Variants in ALLC observed in about 807,000 individuals in gnomAD.
The protein encoded by ALLC is probable inactive allantoicase.
A neutral mutation model predicts 45.0 loss-of-function variants in ALLC; 40 were observed. The observed-to-expected ratio is 0.89, with a 90% CI of 0.69 to 1.16. ALLC has a LOEUF of 1.16. ALLC is among the 50% of genes most tolerant of loss of function. The pLI is 0.00. For synonymous variants in ALLC, 176 were observed against 178.1 expected, an observed-to-expected ratio of 0.99 and a Z score of 0.09; for missense variants, 488 against 493.1, an observed-to-expected ratio of 0.99 and a Z score of 0.10.
upstream of ALLC, among the ~76,000 whole-genome samples, chr2:3,656,300 C>A (rs1201340021): frequency 1.3e-5 from 2 of 152,234 alleles, no homozygotes; most frequent in Non-Finnish European, 2.9e-5. Context: ...CCCTACGGAG[C>A]TCCGAGAACA....
At chr2:3,651,156 C>G in the ALLC span, among the ~76,000 whole-genome samples, 14 of 151,990 alleles carry the variant, frequency 9.2e-5, no homozygotes, top group Non-Finnish European at 4.4e-5. Context: ...TGGGGCTGCC[C>G]GGCGGTGGCG....
rs777323507 is a variant in ALLC, at chr2:3,678,532, A to G, written c.149A>G (p.Glu50Gly). The change falls in exon 4 of 12, where the codon GAG becomes GGG. Residue 50 changes from glutamate (E) to glycine (G), a missense_variant. Transcript: ENST00000252505. ...TTTGGGAAATGGATGGATGGCTGGG[A>G]GACCAGGAGGAAAAGGATTCCAGGT... ...TEFGKWMDGW[E>G]TRRKRIPGHD... is the part of the protein sequence containing the mutation. 17 of 1,614,006 alleles carry G rather than the reference A, an allele frequency of 1.1e-5. No individual in the cohort carries two copies. The highest frequency in any genetic ancestry group is 1.6e-4 in the Middle Eastern group (1 of 6,062).
At chr2:3,696,384 T>C in intron 9 of ALLC, 36 bp downstream of exon 9, 1 of 1,552,258 alleles carries the variant, frequency 6.4e-7, no homozygotes, top group Non-Finnish European at 8.7e-7. Flanking sequence ...TTAAAGTTTT[T>C]CTTAAAAGTA....
At chr2:3,663,046 C>T (rs1666613842) in intron 1 of ALLC, among the ~76,000 whole-genome samples, 1 of 152,152 alleles carries the variant, frequency 6.6e-6, no homozygotes, top group South Asian at 2.1e-4. Flanking sequence ...GGCAGAAATA[C>T]CATTGTACCC....
intron 7 of ALLC, 107 bp downstream of exon 7, chr2:3,683,181 C>G (rs987088665): frequency 8.1e-7 from 1 of 1,239,454 alleles, no homozygotes; most frequent in Non-Finnish European, 1.1e-6. Context: ...TAATTGATCT[C>G]TCTAGCATTT....
chr2:3,672,366 T>C lies in ALLC; in HGVS notation c.33+1176T>C, dbSNP rs867444266. On this transcript the variant is annotated intron_variant, in intron 2 of 11. Coordinates refer to ENST00000252505, the MANE Select transcript of ALLC (RefSeq NM_018436.4). Reference sequence around the variant, plus strand: ...CTGGCTCTGGTTAGATGGGAGGTCCTCTGGCTCTATTTAGATCCGAGGTCC... The same window carrying C: ...CTGGCTCTGGTTAGATGGGAGGTCCCCTGGCTCTATTTAGATCCGAGGTCC... Among the ~76,000 whole-genome samples the C allele has an allele frequency of 2.4e-5, 3 of 122,986 alleles. 1 individual carries two copies. Among genetic ancestry groups the C allele is most frequent in the Non-Finnish European group, 5.3e-5 (3 of 57,010 alleles). The allele number at this position is 122,986 out of a possible 152,430, so 80.7% of individuals were successfully genotyped here.
chr2:3,684,408 A>T (rs973394993), intron 7 of ALLC, among the ~76,000 whole-genome samples: 1 of 152,088 alleles, frequency 6.6e-6, no homozygotes, highest in Admixed American at 6.5e-5. Flanking sequence ...TTCTCTTCAG[A>T]TCTCTATTCA....
the ALLC span, among the ~76,000 whole-genome samples, chr2:3,646,074 A>C: frequency 6.6e-6 from 1 of 152,096 alleles, no homozygotes; most frequent in Non-Finnish European, 1.5e-5. Context: ...TGGAAAATAG[A>C]GTGTCTCGTT....
chr2:3,676,338 A>G lies in ALLC; in HGVS notation c.85-2130A>G, dbSNP rs1249439069. ...TGATCAGGCTGTCAGGCTGGGGTGCAGTGGCACGGTCATGGCTCACTGCAG... is the reference window on the plus strand; with the variant it reads ...TGATCAGGCTGTCAGGCTGGGGTGCGGTGGCACGGTCATGGCTCACTGCAG... On this transcript the variant is annotated intron_variant, in intron 3 of 11. Transcript: ENST00000252505. Among the ~76,000 whole-genome samples, 3 of 152,354 alleles carry G rather than the reference A, an allele frequency of 2.0e-5. No individual in the cohort carries two copies. The East Asian group carries it at 5.8e-4, about 29-fold the overall frequency.
chr2:3,698,784 T>A (rs1157382999), intron 10 of ALLC, among the ~76,000 whole-genome samples: 38 of 138,752 alleles, frequency 2.7e-4, no homozygotes, highest in Non-Finnish European at 5.5e-4. Flanking sequence ...AATTATACTT[T>A]AAGTTTTAGG....
At chr2:3,678,045 G>A (rs1667071721) in intron 3 of ALLC, among the ~76,000 whole-genome samples, 1 of 152,168 alleles carries the variant, frequency 6.6e-6, no homozygotes, top group Admixed American at 6.5e-5. Flanking sequence ...GGTTTCACCT[G>A]GACCCTGAGC....
intron 1 of ALLC, among the ~76,000 whole-genome samples, chr2:3,668,780 T>C (rs1666792337): frequency 6.6e-6 from 1 of 151,188 alleles, no homozygotes; most frequent in Non-Finnish European, 1.5e-5. Flanking sequence ...TTCTCTATAT[T>C]AGCCAGGGTG....
intron 4 of ALLC, among the ~76,000 whole-genome samples, chr2:3,679,193 A>C (rs973827530): frequency 6.6e-6 from 1 of 152,260 alleles, no homozygotes; most frequent in Non-Finnish European, 1.5e-5. Context: ...CTAGTTTTCT[A>C]ACTTTCTACA....
intron 10 of ALLC, among the ~76,000 whole-genome samples, chr2:3,698,218 G>C (rs1667734311): frequency 6.6e-6 from 1 of 152,160 alleles, no homozygotes; most frequent in African/African-American, 2.4e-5. Context: ...GCCCGTCTCG[G>C]CCTCCCAAAG....
chr2:3,646,205 GTCCTC>G, the ALLC span, among the ~76,000 whole-genome samples: 1 of 152,160 alleles, frequency 6.6e-6, no homozygotes, highest in African/African-American at 2.4e-5. Context: ...AGGCTCAAGG[GTCCTC>G]CCTGTAACGG....
chr2:3,649,281 G>C, the ALLC span, among the ~76,000 whole-genome samples: 6 of 143,248 alleles, frequency 4.2e-5, no homozygotes, highest in African/African-American at 1.6e-4. Flanking sequence ...TCGCTCTATT[G>C]CCCAGGCTGG....
At chr2:3,687,016 C>T (rs905840229) in intron 7 of ALLC, among the ~76,000 whole-genome samples, 30 of 150,880 alleles carry the variant, frequency 2.0e-4, no homozygotes, top group African/African-American at 6.8e-4. Context: ...TGTTCCGGAT[C>T]TTAGAGAAAA....
intron 7 of ALLC, 101 bp from the exon 8 acceptor site, chr2:3,695,616 C>G: frequency 7.1e-7 from 1 of 1,409,860 alleles, no homozygotes; most frequent in Non-Finnish European, 9.8e-7. Context: ...TGGCCAAAGC[C>G]TACCAAGAGA....
intron 4 of ALLC, 74 bp downstream of exon 4, chr2:3,678,629 G>C: frequency 7.7e-7 from 1 of 1,299,140 alleles, no homozygotes; most frequent in Non-Finnish European, 1.1e-6. Context: ...GGCAAAGCCA[G>C]TGTCCGTTTT....
Sources: gnomAD v4.1 joint callset for allele counts (sites outside exome capture counted in the v4.1 genomes callset) on GRCh38, gnomAD v4.1.1 for gene constraint, MANE v1.5 for transcripts, NCBI Gene and HGNC (gene_info 2026-07-23, HGNC 2026-07-21) for gene names.